The following SLC16A2 variants were observed in gnomAD, a reference collection of about 807,000 sequenced individuals.
SLC16A2 encodes the protein solute carrier family 16 member 2.
Under a neutral mutation model 27.2 loss-of-function variants are expected in SLC16A2, and 3 were observed. That is an observed-to-expected ratio of 0.11 (90% CI 0.05 to 0.28). SLC16A2 has a LOEUF of 0.28. Ranked by LOEUF, SLC16A2 falls within the 10% of genes least tolerant of loss-of-function variation. SLC16A2 has a pLI of 1.00. For synonymous variants in SLC16A2, 202 were observed against 187.8 expected, an observed-to-expected ratio of 1.08 and a Z score of -0.62; for missense variants, 295 against 458.5, an observed-to-expected ratio of 0.64 and a Z score of 3.26.
intron 1 of SLC16A2, among the ~76,000 whole-genome samples, chrX:74,423,671 G>C (rs1928354520): frequency 8.9e-6 from 1 of 112,064 alleles, no homozygotes. Context: ...GGGGAAGATG[G>C]CTGCCACAGT....
At chrX:74,521,174 G>T (rs199997934) in intron 2 of SLC16A2, 40 bp downstream of exon 2, 3 of 1,205,922 alleles carry the variant, frequency 2.5e-6, no homozygotes, top group Non-Finnish European at 2.2e-6. Flanking sequence ...CAAGGCTGAG[G>T]GTTGGTTTTT....
At chrX:74,518,796 G>A (rs1930358601) in intron 1 of SLC16A2, among the ~76,000 whole-genome samples, 1 of 111,350 alleles carries the variant, frequency 9.0e-6, no homozygotes, top group Admixed American at 9.5e-5. Flanking sequence ...AAGTTAGATT[G>A]TTTGCTTTAT....
intron 1 of SLC16A2, among the ~76,000 whole-genome samples, chrX:74,481,865 A>T (rs192405437): frequency 7.2e-4 from 78 of 108,999 alleles, no homozygotes; most frequent in African/African-American, 2.3e-3. Context: ...TTCACCCTTT[A>T]AAAGTGTACA....
chrX:74,469,675 A>G (rs934527997), intron 1 of SLC16A2, among the ~76,000 whole-genome samples: 1 of 110,851 alleles, frequency 9.0e-6, no homozygotes, highest in Non-Finnish European at 1.9e-5. Flanking sequence ...TTTAAAGACG[A>G]TTTTAGGGCA....
At chrX:74,511,114 G>A (rs112637694) in intron 1 of SLC16A2, among the ~76,000 whole-genome samples, 186 of 111,396 alleles carry the variant, frequency 1.7e-3, no homozygotes, top group African/African-American at 5.7e-3. Flanking sequence ...GGTAGCCCAC[G>A]AAAATTGGCA....
intron 1 of SLC16A2, among the ~76,000 whole-genome samples, chrX:74,446,049 CA>C (rs1403210901): frequency 1.8e-5 from 2 of 111,490 alleles, no homozygotes; most frequent in Non-Finnish European, 3.8e-5. Context: ...TGCCTCTAGA[CA>C]CCTGGCAAAT....
chrX:74,451,542 C>G (rs1174102436), intron 1 of SLC16A2, among the ~76,000 whole-genome samples: 5 of 112,314 alleles, frequency 4.5e-5, no homozygotes, highest in Non-Finnish European at 9.4e-5. Context: ...TTATTCCAGG[C>G]AAGGAACAAA....
intron 1 of SLC16A2, among the ~76,000 whole-genome samples, chrX:74,509,155 G>A (rs1183059990): frequency 9.0e-6 from 1 of 110,632 alleles, no homozygotes; most frequent in Non-Finnish European, 1.9e-5. Flanking sequence ...TAGAGAGTGG[G>A]GTCTCACTAT....
rs187194896 is a variant in SLC16A2 at position 74,429,683 on chromosome X, T to A, written c.430+7616T>A. ...CTGGAAGGATATATGCATGCACTCA[T>A]GTGTCCAGACCTATGTGTATGTGTG... On this transcript the variant is annotated intron_variant, in intron 1 of 5. Coordinates refer to ENST00000587091, the MANE Select transcript of SLC16A2 (RefSeq NM_006517.5). 4.5e-5 allele frequency among the ~76,000 whole-genome samples: 5 copies of A among 112,132 alleles called. No homozygotes were observed. In the East Asian group the frequency reaches 1.4e-3, roughly 31 times the overall value.
chrX:74,526,238 C>CT (rs2147871098), intron 4 of SLC16A2, among the ~76,000 whole-genome samples: 1 of 112,178 alleles, frequency 8.9e-6, no homozygotes, highest in African/African-American at 3.2e-5. Flanking sequence ...GGCTGTCAGT[C>CT]TTTATCTACC....
chrX:74,485,750 A>G (rs6647490), intron 1 of SLC16A2, among the ~76,000 whole-genome samples: 33,964 of 110,069 alleles, frequency 0.31, 5,100 homozygotes, highest in East Asian at 0.86. Context: ...GATGAACCCG[A>G]GCACTTAGCC....
intron 4 of SLC16A2, among the ~76,000 whole-genome samples, chrX:74,528,908 C>T (rs1245433897): frequency 8.9e-6 from 1 of 111,984 alleles, no homozygotes. Context: ...AACAACAATT[C>T]CTTTTATCTT....
At chrX:74,492,776 G>A (rs184478646) in intron 1 of SLC16A2, among the ~76,000 whole-genome samples, 1 of 111,215 alleles carries the variant, frequency 9.0e-6, no homozygotes, top group Non-Finnish European at 1.9e-5. Context: ...GGGCAAACAC[G>A]AGATTCCCTA....
chrX:74,450,350 T>C (rs1180904274), intron 1 of SLC16A2, among the ~76,000 whole-genome samples: 1 of 112,068 alleles, frequency 8.9e-6, no homozygotes, highest in Admixed American at 9.5e-5. Context: ...GAGACCTGGA[T>C]CAGCCACTAA....
At chrX:74,429,019 G>C (rs1230991240) in intron 1 of SLC16A2, among the ~76,000 whole-genome samples, 1 of 110,837 alleles carries the variant, frequency 9.0e-6, no homozygotes, top group African/African-American at 3.3e-5. Flanking sequence ...CTGCACAATT[G>C]GTTGTAGAGG....
chrX:74,508,301 T>C (rs766640343), intron 1 of SLC16A2, among the ~76,000 whole-genome samples: 5 of 112,154 alleles, frequency 4.5e-5, no homozygotes, highest in African/African-American at 9.7e-5. Flanking sequence ...TACAGAACAA[T>C]TGGAGAGAAT....
chrX:74,489,324 C>A (rs945268267), intron 1 of SLC16A2, among the ~76,000 whole-genome samples: 1 of 111,712 alleles, frequency 9.0e-6, no homozygotes, highest in African/African-American at 3.2e-5. Flanking sequence ...TCTTACTTAT[C>A]AAAAATTATA....
intron 1 of SLC16A2, among the ~76,000 whole-genome samples, chrX:74,455,837 C>T (rs1332090387): frequency 9.0e-6 from 1 of 111,583 alleles, no homozygotes; most frequent in Non-Finnish European, 1.9e-5. Context: ...TACCTATTCA[C>T]AAAGTCCATG....
At chrX:74,504,867 G>T (rs1169102336) in intron 1 of SLC16A2, among the ~76,000 whole-genome samples, 1 of 111,545 alleles carries the variant, frequency 9.0e-6, no homozygotes, top group Non-Finnish European at 1.9e-5. Flanking sequence ...TGGCGCATCT[G>T]TAGACCCAGC....
Sources: allele counts gnomAD v4.1 joint callset (sites outside exome capture counted in the v4.1 genomes callset), GRCh38; gene constraint gnomAD v4.1.1; transcripts MANE v1.5; gene names NCBI Gene and HGNC (gene_info 2026-07-23, HGNC 2026-07-21).